Variants in NAALAD2 observed in about 807,000 individuals in gnomAD.
The protein encoded by NAALAD2 is N-acetylated alpha-linked acidic dipeptidase 2.
A neutral mutation model predicts 95.6 loss-of-function variants in NAALAD2; 89 were observed. That is an observed-to-expected ratio of 0.93 (90% CI 0.78 to 1.11). The LOEUF is 1.11. Among genes scored for constraint, NAALAD2 ranks in the 50% least tolerant of loss-of-function variants. The pLI, the probability that NAALAD2 is intolerant of heterozygous loss-of-function variation, is 0.00. For missense variants in NAALAD2, 894 were observed against 872.4 expected (o/e 1.02, Z -0.31); for synonymous variants, 264 against 294.4 (o/e 0.90, Z 1.06).
chr11:90,153,926 G>A (rs192073986), intron 6 of NAALAD2, among the ~76,000 whole-genome samples: 26 of 152,018 alleles, frequency 1.7e-4, no homozygotes, highest in South Asian at 6.2e-4. Flanking sequence ...CATCGATTCT[G>A]CTAGGTTTTT....
intron 11 of NAALAD2, among the ~76,000 whole-genome samples, chr11:90,167,091 C>G (rs1156482049): frequency 6.6e-6 from 1 of 152,234 alleles, no homozygotes; most frequent in South Asian, 2.1e-4. Flanking sequence ...ACTCTGGCCA[C>G]GCTTGAGGAG....
chr11:90,135,177 G>A (rs1049590520), intron 1 of NAALAD2: 22 of 319,192 alleles, frequency 6.9e-5, no homozygotes, highest in Non-Finnish European at 1.1e-4. Flanking sequence ...AATACGGGCA[G>A]CATTAAAAAC....
At chr11:90,168,841 G>A (rs1591004867) in intron 11 of NAALAD2, 88 bp from the exon 12 acceptor site, 3 of 1,074,730 alleles carry the variant, frequency 2.8e-6, no homozygotes, top group South Asian at 2.8e-5. Context: ...CTTGTAAACC[G>A]CTTTTCCACG....
intron 2 of NAALAD2, among the ~76,000 whole-genome samples, chr11:90,140,745 C>T (rs1951590283): frequency 6.6e-6 from 1 of 152,014 alleles, no homozygotes; most frequent in African/African-American, 2.4e-5. Context: ...CAATTTTTCT[C>T]TTTTTGGATC....
intron 8 of NAALAD2, among the ~76,000 whole-genome samples, chr11:90,161,528 C>T (rs1952299289): frequency 6.6e-6 from 1 of 152,092 alleles, no homozygotes; most frequent in African/African-American, 2.4e-5. Context: ...AAAATCTCCT[C>T]CCTGTGGAGC....
chr11:90,144,757 G>A (rs67998280), intron 2 of NAALAD2, among the ~76,000 whole-genome samples: 48,141 of 126,058 alleles, frequency 0.38, 10,566 homozygotes, highest in African/African-American at 0.56. Context: ...AAAAAAAAAC[G>A]GAAAAGAAAG....
chr11:90,184,112 G>A (rs1428821466), intron 18 of NAALAD2, among the ~76,000 whole-genome samples: 2 of 151,952 alleles, frequency 1.3e-5, no homozygotes, highest in Non-Finnish European at 2.9e-5. Flanking sequence ...AACTTCTAGG[G>A]TTTTCCCATC....
intron 13 of NAALAD2, among the ~76,000 whole-genome samples, chr11:90,171,767 G>C (rs1050914310): frequency 2.0e-5 from 3 of 152,156 alleles, no homozygotes; most frequent in African/African-American, 7.2e-5. Context: ...TAGTGTAGGG[G>C]TGAGAGACAA....
intron 18 of NAALAD2, among the ~76,000 whole-genome samples, chr11:90,184,417 A>G (rs76879920): frequency 0.029 from 4,444 of 152,182 alleles, 228 homozygotes; most frequent in African/African-American, 0.1. Context: ...GATGCACTCA[A>G]TAAATGGCAG....
At chr11:90,176,319 T>C (rs1196636899) in intron 15 of NAALAD2, among the ~76,000 whole-genome samples, 2 of 152,206 alleles carry the variant, frequency 1.3e-5, no homozygotes, top group Non-Finnish European at 2.9e-5. Flanking sequence ...GGTTAATCAG[T>C]ACTAAGTAGT....
Position 90,150,614 on chromosome 11 carries a change from T to A in NAALAD2, c.609+7T>A, listed in dbSNP as rs1012519666. On this transcript the variant is annotated splice_region_variant and intron_variant, in intron 5 of 18. Transcript: ENST00000534061. Reference sequence around the variant, plus strand: ...AATCTTCAGAGGAAATAAAGTACAGTATTATTTGTTTTTCTACAGAGAATG... The same window carrying A: ...AATCTTCAGAGGAAATAAAGTACAGAATTATTTGTTTTTCTACAGAGAATG... 1 of 1,575,100 alleles carries A rather than the reference T, an allele frequency of 6.3e-7. No individual in the cohort carries two copies. The highest frequency in any genetic ancestry group is 8.7e-7 in the Non-Finnish European group (1 of 1,150,230).
Position 90,154,965 on chromosome 11 carries a change from A to ATGTATGTG in NAALAD2, c.796+2486_796+2487insGTGTGTAT, listed in dbSNP as rs1282844474. Among the ~76,000 whole-genome samples, 30 of 98,264 alleles carry ATGTATGTG rather than the reference A, an allele frequency of 3.1e-4. 1 individual carries two copies. Among genetic ancestry groups the ATGTATGTG allele is most frequent in the Non-Finnish European group, 5.8e-4 (29 of 50,088 alleles). The allele number at this position is 98,264 out of a possible 152,430, so 64.5% of individuals were successfully genotyped here. A position where few individuals can be genotyped will look rare whatever the true frequency, so the allele number is the denominator to read the frequency against. ...TATATATTATATACGTATACATAAT[A>ATGTATGTG]TGTATATATTATATACGTATACATA... On this transcript the variant is annotated intron_variant, in intron 6 of 18. Coordinates refer to ENST00000534061, the MANE Select transcript of NAALAD2 (RefSeq NM_005467.4).
rs1489936207 is a variant in NAALAD2 at position 90,149,965 on chromosome 11, T to G, written c.484-517T>G. ...CAACACAGGACATGCTGTTTAGATATGTCTGGCTGGGTGTGGTGGCTCACA... is the reference window on the plus strand; with the variant it reads ...CAACACAGGACATGCTGTTTAGATAGGTCTGGCTGGGTGTGGTGGCTCACA... On this transcript the variant is annotated intron_variant, in intron 4 of 18. Coordinates refer to ENST00000534061, the MANE Select transcript of NAALAD2 (RefSeq NM_005467.4). Among the ~76,000 whole-genome samples, 3 of 152,106 alleles carry G rather than the reference T, an allele frequency of 2.0e-5. No homozygotes were observed. In the East Asian group the frequency reaches 5.8e-4, roughly 29 times the overall value.
At chr11:90,152,550 C>T in intron 6 of NAALAD2, 66 bp downstream of exon 6, 4 of 1,260,038 alleles carry the variant, frequency 3.2e-6, no homozygotes, top group East Asian at 2.4e-5. Context: ...AGAAGGAATA[C>T]AAGCAAGCAT....
chr11:90,176,064 T>C lies in NAALAD2; in HGVS notation c.1593+2T>C, dbSNP rs1390936600. 1.2e-6 allele frequency: 2 copies of C among 1,606,048 alleles called. No homozygotes were observed. The highest frequency in any genetic ancestry group is 1.7e-4 in the Middle Eastern group (1 of 6,042). ...AGAGCCCGTTACACTAAGAATAAGG[T>C]AAGCCATTTTATCATTTTGAATATA... On this transcript the variant is annotated splice_donor_variant, in intron 15 of 18. Transcript: ENST00000534061. LOFTEE classifies it high-confidence loss of function.
upstream of NAALAD2, among the ~76,000 whole-genome samples, chr11:90,132,599 T>C (rs1951369431): frequency 6.6e-6 from 1 of 152,244 alleles, no homozygotes; most frequent in Non-Finnish European, 1.5e-5. Flanking sequence ...GTGTGTCACC[T>C]GTTAAACACT....
intron 4 of NAALAD2, among the ~76,000 whole-genome samples, chr11:90,149,561 C>T (rs541100004): frequency 5.6e-4 from 85 of 152,104 alleles, no homozygotes; most frequent in African/African-American, 2.0e-3. Context: ...CAGCCTCCCG[C>T]GTAGCTGGGA....
intron 6 of NAALAD2, among the ~76,000 whole-genome samples, chr11:90,152,848 G>A (rs1459273825): frequency 7.1e-6 from 1 of 139,998 alleles, no homozygotes; most frequent in Admixed American, 7.4e-5. Context: ...TTGAATTATC[G>A]ATAGATTGTA....
At chr11:90,158,352 A>T in intron 7 of NAALAD2, 114 bp downstream of exon 7, 1 of 733,812 alleles carries the variant, frequency 1.4e-6, no homozygotes. Context: ...TAACTAAATA[A>T]CTCCTGAAAT....
Sources: allele counts gnomAD v4.1 joint callset (sites outside exome capture counted in the v4.1 genomes callset), GRCh38; gene constraint gnomAD v4.1.1; transcripts MANE v1.5; gene names NCBI Gene and HGNC (gene_info 2026-07-23, HGNC 2026-07-21).